Variants in DLG2 observed in about 807,000 individuals in gnomAD.
The protein encoded by DLG2 is discs large MAGUK scaffold protein 2, also known as disks large homolog 2.
In DLG2, 45 loss-of-function variants were observed where a neutral mutation model predicts 132.5. That is an observed-to-expected ratio of 0.34 (90% CI 0.27 to 0.44). The LOEUF (loss-of-function observed/expected upper bound fraction) is 0.44. DLG2 is among the 20% of genes least tolerant of loss of function. DLG2 has a pLI of 1.00. For missense variants in DLG2, 1,045 were observed against 1,196.9 expected, an observed-to-expected ratio of 0.87 and a Z score of 1.87; for synonymous variants, 424 against 419.6, an observed-to-expected ratio of 1.01 and a Z score of -0.13.
intron 7 of DLG2, among the ~76,000 whole-genome samples, chr11:84,514,921 C>A (rs2099268041): frequency 6.6e-6 from 1 of 151,432 alleles, no homozygotes; most frequent in South Asian, 2.1e-4. Context: ...ATTTCATGTA[C>A]CTTATAAATA....
intron 6 of DLG2, among the ~76,000 whole-genome samples, chr11:84,966,775 A>C (rs1423160034): frequency 6.6e-6 from 1 of 152,172 alleles, no homozygotes; most frequent in Admixed American, 6.5e-5. Context: ...AAAGAACATC[A>C]CATTTCTGGC....
chr11:84,304,900 T>C (rs2098198191), intron 7 of DLG2, among the ~76,000 whole-genome samples: 2 of 152,204 alleles, frequency 1.3e-5, no homozygotes, highest in African/African-American at 4.8e-5. Context: ...TCTCAACAAA[T>C]GGTTCCATTC....
intron 6 of DLG2, among the ~76,000 whole-genome samples, chr11:84,779,886 C>T (rs1423335656): frequency 7.5e-6 from 1 of 132,494 alleles, no homozygotes. Flanking sequence ...AAAACAATCT[C>T]TCAACAAAAA....
chr11:84,972,203 A>G (rs1483843724), intron 6 of DLG2, among the ~76,000 whole-genome samples: 1 of 152,206 alleles, frequency 6.6e-6, no homozygotes, highest in Non-Finnish European at 1.5e-5. Context: ...TGAACAGAAT[A>G]GAGCCTCACT....
intron 3 of DLG2, among the ~76,000 whole-genome samples, chr11:85,376,845 C>T (rs935063358): frequency 3.3e-5 from 5 of 152,058 alleles, no homozygotes; most frequent in South Asian, 2.1e-4. Flanking sequence ...TTTGCATCCC[C>T]GGGAGGATAG....
chr11:85,160,780 T>G (rs2077970076), intron 4 of DLG2, among the ~76,000 whole-genome samples: 1 of 152,072 alleles, frequency 6.6e-6, no homozygotes, highest in Non-Finnish European at 1.5e-5. Context: ...TATGATCAGT[T>G]GACAGAGGAA....
intron 4 of DLG2, among the ~76,000 whole-genome samples, chr11:85,185,578 T>C (rs541280757): frequency 6.6e-6 from 1 of 151,972 alleles, no homozygotes; most frequent in South Asian, 2.1e-4. Context: ...TGCATTTTTG[T>C]AAAACCTTTT....
intron 6 of DLG2, among the ~76,000 whole-genome samples, chr11:84,657,927 T>C (rs11234109): frequency 0.3 from 45,309 of 152,084 alleles, 7,716 homozygotes; most frequent in East Asian, 0.46. Context: ...CACACCCTCC[T>C]CTCGACCTTT....
intron 3 of DLG2, among the ~76,000 whole-genome samples, chr11:85,515,501 C>T (rs1427868190): frequency 1.3e-5 from 2 of 151,898 alleles, no homozygotes; most frequent in Non-Finnish European, 2.9e-5. Flanking sequence ...GACTTGATTT[C>T]TTCAGCTGAA....
intron 17 of DLG2, among the ~76,000 whole-genome samples, chr11:83,800,865 C>G (rs949252572): frequency 2.6e-5 from 4 of 151,968 alleles, no homozygotes; most frequent in Non-Finnish European, 5.9e-5. Flanking sequence ...AATATATAAG[C>G]AAAAAATAGT....
At chr11:83,815,737 T>C (rs1029199006) in intron 17 of DLG2, among the ~76,000 whole-genome samples, 1 of 152,158 alleles carries the variant, frequency 6.6e-6, no homozygotes, top group Non-Finnish European at 1.5e-5. Context: ...GCTATTGCAG[T>C]TACCAAGCAA....
intron 11 of DLG2, 62 bp from the exon 12 acceptor site, chr11:83,980,704 T>C: frequency 1.4e-6 from 2 of 1,420,260 alleles, no homozygotes; most frequent in Non-Finnish European, 1.9e-6. Context: ...TTTTAGAAAA[T>C]GCAGTTAGCC....
chr11:85,506,042 AT>A (rs1446646468), intron 3 of DLG2, among the ~76,000 whole-genome samples: 1 of 152,114 alleles, frequency 6.6e-6, no homozygotes, highest in East Asian at 1.9e-4. Flanking sequence ...GGTAGTTTGT[AT>A]TTCTGTGGGA....
intron 6 of DLG2, among the ~76,000 whole-genome samples, chr11:85,109,995 C>G (rs1203901474): frequency 6.6e-6 from 1 of 151,940 alleles, no homozygotes; most frequent in East Asian, 1.9e-4. Flanking sequence ...ATAGGAGATT[C>G]ACATATTGAA....
chr11:84,909,759 C>A (rs1053039124), intron 6 of DLG2, among the ~76,000 whole-genome samples: 1 of 152,148 alleles, frequency 6.6e-6, no homozygotes, highest in African/African-American at 2.4e-5. Flanking sequence ...ACAAGATAGA[C>A]ATTTTATGTG....
chr11:84,130,305 C>T (rs1485358801), intron 9 of DLG2, among the ~76,000 whole-genome samples: 1 of 151,836 alleles, frequency 6.6e-6, no homozygotes, highest in African/African-American at 2.4e-5. Flanking sequence ...ACAAGTTAAA[C>T]ATTTGCTTAT....
At chr11:85,205,401 G>A (rs1478134653) in intron 4 of DLG2, among the ~76,000 whole-genome samples, 2 of 151,916 alleles carry the variant, frequency 1.3e-5, no homozygotes, top group South Asian at 2.1e-4. Flanking sequence ...AGGGAAAGGA[G>A]GTTGAAGAGA....
chr11:84,914,086 T>C (rs2092301204), intron 6 of DLG2, among the ~76,000 whole-genome samples: 1 of 152,232 alleles, frequency 6.6e-6, no homozygotes, highest in Non-Finnish European at 1.5e-5. Context: ...CTTTTTAAAG[T>C]TGTAAATCTA....
intron 7 of DLG2, among the ~76,000 whole-genome samples, chr11:84,360,436 A>G (rs116938698): frequency 0.01 from 1,586 of 152,122 alleles, 14 homozygotes; most frequent in Non-Finnish European, 0.017. Context: ...CCCACCAACT[A>G]TAAATAACTG....
Sources: allele counts gnomAD v4.1 joint callset (sites outside exome capture counted in the v4.1 genomes callset), GRCh38; gene constraint gnomAD v4.1.1; transcripts MANE v1.5; gene names NCBI Gene and HGNC (gene_info 2026-07-23, HGNC 2026-07-21).